SPPL2A: variants seen among roughly 807,000 people sequenced by gnomAD.
The protein encoded by SPPL2A is signal peptide peptidase like 2A, also known as signal peptide peptidase-like 2A.
A neutral mutation model predicts 63.8 loss-of-function variants in SPPL2A; 51 were observed. That is an observed-to-expected ratio of 0.80 (90% confidence interval 0.64 to 1.01). SPPL2A has a LOEUF of 1.01. Among genes scored for constraint, SPPL2A ranks in the 50% least tolerant of loss-of-function variants. SPPL2A has a pLI of 0.00. For missense variants in SPPL2A, 553 were observed against 622.7 expected (o/e 0.89, Z 1.19); for synonymous variants, 188 against 205.8 (o/e 0.91, Z 0.74).
At chr15:50,746,043 T>A (rs2062854705) in intron 5 of SPPL2A, among the ~76,000 whole-genome samples, 2 of 151,574 alleles carry the variant, frequency 1.3e-5, no homozygotes, top group South Asian at 4.2e-4. Flanking sequence ...AGAGCAAGTC[T>A]CCATCTCAAA....
intron 6 of SPPL2A, 39 bp downstream of exon 6, chr15:50,739,640 TG>T: frequency 7.2e-7 from 1 of 1,389,380 alleles, no homozygotes; most frequent in South Asian, 1.5e-5. Context: ...GTGAAAAGAA[TG>T]TATGTTAACA....
rs1468758348 is a variant in SPPL2A at position 50,706,708 on chromosome 15, T to G, written c.*1092A>C. On this transcript the variant is annotated 3_prime_UTR_variant, in exon 15 of 15. Transcript: ENST00000261854. ...CATAATTTCTTAAGAAAAATAATTT[T>G]TTTAAAAAATCAAACCTTAACATTA... is the stretch of plus-strand genomic sequence containing the variant. The G allele has an allele frequency of 2.6e-5, 4 of 152,024 alleles. No individual in the cohort carries two copies. Among genetic ancestry groups the G allele is most frequent in the African/African-American group, 9.7e-5 (4 of 41,368 alleles). The allele number at this position is 152,024 out of a possible 1,614,324, so 9.4% of individuals were successfully genotyped here.
chr15:50,755,709 G>A (rs1224216833), intron 1 of SPPL2A, among the ~76,000 whole-genome samples: 1 of 144,022 alleles, frequency 6.9e-6, no homozygotes, highest in Admixed American at 7.0e-5. Flanking sequence ...TACTGAATCA[G>A]AAGTTCTGAC....
rs183444285 is a variant in SPPL2A at position 50,714,593 on chromosome 15, C to T, written c.1488+5347G>A. Reference sequence around the variant, plus strand: ...TTGCAATGAGCAAAGATAGTATCATCGCACTCCAGCCTGGGCAATAAGAGT... The same window carrying T: ...TTGCAATGAGCAAAGATAGTATCATTGCACTCCAGCCTGGGCAATAAGAGT... On this transcript the variant is annotated intron_variant, in intron 14 of 14. Transcript: ENST00000261854. Among the ~76,000 whole-genome samples, 918 of 143,144 alleles carry T rather than the reference C, an allele frequency of 6.4e-3. 13 individuals carry two copies. The highest frequency in any genetic ancestry group is 0.022 in the African/African-American group (849 of 38,536). 93.9% of individuals were successfully genotyped at this position (143,144 alleles called of 152,430 possible).
At position 50,702,939 on chromosome 15, in the gene SPPL2A, T is replaced by C. The variant is rs2062485914; in HGVS notation, c.*4861A>G. The C allele has an allele frequency of 6.6e-6, 1 of 152,148 alleles. No individual in the cohort carries two copies. The highest frequency in any genetic ancestry group is 1.5e-5 in the Non-Finnish European group (1 of 68,030). 9.4% of individuals were successfully genotyped at this position (152,148 alleles called of 1,614,324 possible). ...ACTCTGAAAATTCAGTAATCTAGCATATGAGTATTACAGTAGAGGATCAAA... is the reference window on the plus strand; with the variant it reads ...ACTCTGAAAATTCAGTAATCTAGCACATGAGTATTACAGTAGAGGATCAAA... On this transcript the variant is annotated 3_prime_UTR_variant, in exon 15 of 15. Coordinates refer to ENST00000261854, the MANE Select transcript of SPPL2A (RefSeq NM_032802.4).
rs2062492508 is a variant in SPPL2A at position 50,703,688 on chromosome 15, T to A, written c.*4112A>T. On this transcript the variant is annotated 3_prime_UTR_variant, in exon 15 of 15. Transcript: ENST00000261854. ...AGTTCAAATATTTTTTATTCAAATGTAAAATATGTCTATAACTCAAAGGAT... is the reference window on the plus strand; with the variant it reads ...AGTTCAAATATTTTTTATTCAAATGAAAAATATGTCTATAACTCAAAGGAT... The A allele has an allele frequency of 6.6e-6, 1 of 151,914 alleles. No individual in the cohort carries two copies. 9.4% of individuals were successfully genotyped at this position (151,914 alleles called of 1,614,324 possible). A position where few individuals can be genotyped will look rare whatever the true frequency, so the allele number is the denominator to read the frequency against.
intron 1 of SPPL2A, among the ~76,000 whole-genome samples, chr15:50,757,049 T>C (rs1244923561): frequency 6.6e-6 from 1 of 151,660 alleles, no homozygotes; most frequent in East Asian, 1.9e-4. Flanking sequence ...CTCAAGTTCC[T>C]CTAATAACCA....
chr15:50,740,232 G>C (rs1299107269), intron 5 of SPPL2A, among the ~76,000 whole-genome samples: 1 of 151,558 alleles, frequency 6.6e-6, no homozygotes, highest in Non-Finnish European at 1.5e-5. Flanking sequence ...TTCGAGACCA[G>C]CCTAACCAAC....
intron 14 of SPPL2A, among the ~76,000 whole-genome samples, chr15:50,719,296 G>C (rs901387617): frequency 6.6e-6 from 1 of 152,110 alleles, no homozygotes; most frequent in Non-Finnish European, 1.5e-5. Flanking sequence ...CCAGGCTGGA[G>C]TGCAATGGCG....
At chr15:50,758,015 G>A (rs1451042468) in intron 1 of SPPL2A, among the ~76,000 whole-genome samples, 1 of 146,080 alleles carries the variant, frequency 6.8e-6, no homozygotes, top group South Asian at 2.2e-4. Context: ...AAGGCCGGGC[G>A]CGGTGGCTCA....
intron 1 of SPPL2A, among the ~76,000 whole-genome samples, chr15:50,758,216 G>A (rs1319432550): frequency 6.8e-6 from 1 of 146,998 alleles, no homozygotes; most frequent in Non-Finnish European, 1.5e-5. Flanking sequence ...GTGAACCTGG[G>A]AGGCGGAGCT....
intron 14 of SPPL2A, among the ~76,000 whole-genome samples, chr15:50,714,707 C>T (rs2062587241): frequency 6.6e-6 from 1 of 150,988 alleles, no homozygotes; most frequent in African/African-American, 2.4e-5. Flanking sequence ...TTTGGGAGGC[C>T]AAGGCAGGTG....
At chr15:50,743,617 G>C (rs1390880166) in intron 5 of SPPL2A, among the ~76,000 whole-genome samples, 2 of 151,992 alleles carry the variant, frequency 1.3e-5, no homozygotes, top group African/African-American at 4.8e-5. Flanking sequence ...AAAGTGCTGG[G>C]ATTACAAGTG....
At position 50,713,186 on chromosome 15, in the gene SPPL2A, A is replaced by G. The variant is rs2062573045; in HGVS notation, c.1489-5312T>C. Among the ~76,000 whole-genome samples, 3 of 152,118 alleles carry G rather than the reference A, an allele frequency of 2.0e-5. No homozygotes were observed. The South Asian group carries it at 6.2e-4, about 31-fold the overall frequency. ...TAAACAATGAGAGATTTTCTTTTTA[A>G]AAGGGAAATAATTTTGTAAAGGCAT... On this transcript the variant is annotated intron_variant, in intron 14 of 14. Coordinates refer to ENST00000261854, the MANE Select transcript of SPPL2A (RefSeq NM_032802.4).
At chr15:50,709,001 C>T (rs1356969567) in intron 14 of SPPL2A, among the ~76,000 whole-genome samples, 2 of 151,546 alleles carry the variant, frequency 1.3e-5, no homozygotes, top group Non-Finnish European at 2.9e-5. Context: ...CGTGCTACTG[C>T]GCTCCAGCCT....
At chr15:50,727,716 T>G (rs138279520) in intron 10 of SPPL2A, among the ~76,000 whole-genome samples, 87 of 152,272 alleles carry the variant, frequency 5.7e-4, no homozygotes, top group African/African-American at 2.0e-3. Context: ...AAGAACATGT[T>G]TAGAATATGC....
intron 10 of SPPL2A, among the ~76,000 whole-genome samples, chr15:50,730,150 G>A (rs2062719559): frequency 6.6e-6 from 1 of 152,168 alleles, no homozygotes; most frequent in East Asian, 1.9e-4. Flanking sequence ...ATATTCATGA[G>A]ACAGGAAAAG....
At chr15:50,721,608 T>C (rs12909012) in intron 13 of SPPL2A, among the ~76,000 whole-genome samples, 1 of 81,122 alleles carries the variant, frequency 1.2e-5, no homozygotes, top group Admixed American at 1.2e-4. Flanking sequence ...ACAAAAATAA[T>C]TTTTTTTTTT....
In SPPL2A at chr15:50,730,449, G is replaced by A. The variant is rs117272116; in HGVS notation, c.1089+516C>T. 7.5e-3 allele frequency among the ~76,000 whole-genome samples: 1,145 copies of A among 152,128 alleles called. 5 individuals carry two copies. Among genetic ancestry groups the A allele is most frequent in the Non-Finnish European group, 0.013 (859 of 67,988 alleles). On this transcript the variant is annotated intron_variant, in intron 10 of 14. Transcript: ENST00000261854. ...GGACCTTTTTGGTACAGAAGGCTTC[G>A]GTTGGGTTCTGTTAGTTGGAACCAA...
Sources: allele counts gnomAD v4.1 joint callset (sites outside exome capture counted in the v4.1 genomes callset), GRCh38; gene constraint gnomAD v4.1.1; transcripts MANE v1.5; gene names NCBI Gene and HGNC (gene_info 2026-07-23, HGNC 2026-07-21).